GRIK4: variants seen among roughly 807,000 people sequenced by gnomAD.
GRIK4 encodes the protein glutamate ionotropic receptor kainate type subunit 4.
GRIK4 carries 40 observed loss-of-function variants against 104.9 expected under a neutral mutation model. The observed-to-expected ratio is 0.38, with a 90% CI of 0.30 to 0.50. The LOEUF (loss-of-function observed/expected upper bound fraction) is 0.50. Ranked by LOEUF, GRIK4 falls within the 20% of genes least tolerant of loss-of-function variation. The pLI is 0.93. For missense variants in GRIK4, 1,047 were observed against 1,308.1 expected, an observed-to-expected ratio of 0.80 and a Z score of 3.08; for synonymous variants, 485 against 524.9, an observed-to-expected ratio of 0.92 and a Z score of 1.04.
chr11:120,882,343 C>T (rs1191026336), intron 11 of GRIK4, among the ~76,000 whole-genome samples: 1 of 152,218 alleles, frequency 6.6e-6, no homozygotes, highest in African/African-American at 2.4e-5. Context: ...TCCTTTGAAG[C>T]TGCTTCTGCC....
chr11:120,592,577 T>C (rs1009990522), intron 1 of GRIK4, among the ~76,000 whole-genome samples: 1 of 152,160 alleles, frequency 6.6e-6, no homozygotes, highest in Non-Finnish European at 1.5e-5. Context: ...TCTTGTGGAC[T>C]CCCTTTCTAC....
At chr11:120,866,266 G>A (rs978509845) in intron 9 of GRIK4, among the ~76,000 whole-genome samples, 4 of 152,140 alleles carry the variant, frequency 2.6e-5, no homozygotes, top group Admixed American at 2.0e-4. Context: ...GTGACTCCTC[G>A]GCATATGTTA....
At chr11:120,972,659 G>A (rs781231010) in intron 19 of GRIK4, among the ~76,000 whole-genome samples, 4 of 152,114 alleles carry the variant, frequency 2.6e-5, no homozygotes, top group East Asian at 1.9e-4. Flanking sequence ...TCTGGGAGCC[G>A]GAGAGAGGCA....
chr11:120,865,942 G>A (rs140707246), intron 9 of GRIK4, among the ~76,000 whole-genome samples: 24 of 152,220 alleles, frequency 1.6e-4, no homozygotes, highest in Non-Finnish European at 2.8e-4. Flanking sequence ...GGGGGCGTAT[G>A]CAGCTCACAT....
intron 9 of GRIK4, among the ~76,000 whole-genome samples, chr11:120,866,122 G>C (rs942497151): frequency 1.3e-5 from 2 of 152,172 alleles, no homozygotes; most frequent in African/African-American, 4.8e-5. Flanking sequence ...TGCCACATGA[G>C]ACTTGGGACC....
chr11:120,618,457 T>G (rs1949142760), intron 1 of GRIK4, among the ~76,000 whole-genome samples: 1 of 152,194 alleles, frequency 6.6e-6, no homozygotes, highest in South Asian at 2.1e-4. Context: ...AGGGGAGGAA[T>G]TCAAGCAGGC....
chr11:120,765,071 T>C (rs1951810223), intron 3 of GRIK4, among the ~76,000 whole-genome samples: 1 of 152,188 alleles, frequency 6.6e-6, no homozygotes, highest in African/African-American at 2.4e-5. Flanking sequence ...GATTCCATTC[T>C]CCCCGTCACT....
At chr11:120,931,294 G>A (rs1943476183) in intron 13 of GRIK4, among the ~76,000 whole-genome samples, 1 of 152,146 alleles carries the variant, frequency 6.6e-6, no homozygotes, top group South Asian at 2.1e-4. Context: ...GGAGAGAATG[G>A]CAGGCTAGGA....
intron 1 of GRIK4, among the ~76,000 whole-genome samples, chr11:120,574,474 G>A (rs866282494): frequency 4.6e-5 from 7 of 152,160 alleles, no homozygotes; most frequent in African/African-American, 1.4e-4. Context: ...ATGAGGACAC[G>A]GAAGCACCTG....
intron 1 of GRIK4, among the ~76,000 whole-genome samples, chr11:120,609,499 C>A (rs1223053999): frequency 2.0e-5 from 3 of 148,666 alleles, no homozygotes; most frequent in Non-Finnish European, 3.0e-5. Context: ...TTCCCTTTTC[C>A]CCCATCTTTG....
intron 1 of GRIK4, among the ~76,000 whole-genome samples, chr11:120,632,350 G>A (rs1357418123): frequency 6.6e-6 from 1 of 152,064 alleles, no homozygotes; most frequent in African/African-American, 2.4e-5. Context: ...CTCAAACTAC[G>A]ACATCCACCT....
chr11:120,558,038 A>G (rs930570357), intron 1 of GRIK4, among the ~76,000 whole-genome samples: 3 of 151,704 alleles, frequency 2.0e-5, no homozygotes, highest in East Asian at 1.9e-4. Context: ...AAAAAAAAAA[A>G]AAAAGAAGTA....
At chr11:120,864,302 G>A (rs1366149872) in intron 9 of GRIK4, among the ~76,000 whole-genome samples, 2 of 151,082 alleles carry the variant, frequency 1.3e-5, no homozygotes, top group South Asian at 2.1e-4. Flanking sequence ...GTGCAGTGGC[G>A]CGATCTCGGC....
At position 120,905,420 on chromosome 11, in the gene GRIK4, T is replaced by C. The variant is rs1170493234; in HGVS notation, c.1403T>C (p.Val468Ala). The C allele has an allele frequency of 1.9e-6, 3 of 1,613,668 alleles. No individual in the cohort carries two copies. Among genetic ancestry groups the C allele is most frequent in the Non-Finnish European group, 2.5e-6 (3 of 1,179,802 alleles). ...ILRFNYKIRL[V>A]GDGVYGVPEA... ...CGATTCAACTACAAGATCCGCCTGG[T>C]TGGGGATGGCGTGTACGGCGTTCCC... The change falls in exon 13 of 21, where the codon GTT becomes GCT. Residue 468 changes from valine to alanine, a missense_variant. Coordinates refer to ENST00000527524, the MANE Select transcript of GRIK4 (RefSeq NM_014619.5). The surrounding 1 kb of genome is among the most constrained non-coding windows in gnomAD (Gnocchi z 5.1).
intron 3 of GRIK4, among the ~76,000 whole-genome samples, chr11:120,777,378 C>T (rs1952064164): frequency 6.6e-6 from 1 of 152,238 alleles, no homozygotes; most frequent in Non-Finnish European, 1.5e-5. Context: ...CTTTGTGAAA[C>T]CTTCCTGGGC....
intron 19 of GRIK4, among the ~76,000 whole-genome samples, chr11:120,980,215 G>C (rs1457467637): frequency 6.6e-6 from 1 of 152,184 alleles, no homozygotes; most frequent in Non-Finnish European, 1.5e-5. Flanking sequence ...GTCACTTGGG[G>C]ACTCCAGTTA....
At chr11:120,652,651 T>C (rs1164294359) in intron 1 of GRIK4, among the ~76,000 whole-genome samples, 2 of 151,832 alleles carry the variant, frequency 1.3e-5, no homozygotes, top group Non-Finnish European at 2.9e-5. Flanking sequence ...GTAATCAAGA[T>C]CTTGTTGCCC....
intron 19 of GRIK4, among the ~76,000 whole-genome samples, chr11:120,981,776 A>C (rs895586323): frequency 1.6e-4 from 25 of 152,186 alleles, no homozygotes; most frequent in African/African-American, 2.7e-4. Flanking sequence ...GTCTCTCTCT[A>C]TAAGCTGTCA....
chr11:120,895,066 A>G (rs1177100440), intron 11 of GRIK4, among the ~76,000 whole-genome samples: 4 of 151,708 alleles, frequency 2.6e-5, no homozygotes, highest in Non-Finnish European at 5.9e-5. Context: ...CAGAGGAGGG[A>G]GGTGGGAAGG....
Sources: gnomAD v4.1 joint callset for allele counts (sites outside exome capture counted in the v4.1 genomes callset) on GRCh38, gnomAD v4.1.1 for gene constraint, Gnocchi (gnomAD v3.1) non-coding constraint, MANE v1.5 for transcripts, NCBI Gene and HGNC (gene_info 2026-07-23, HGNC 2026-07-21) for gene names.